TBC1D5: variants seen among roughly 807,000 people sequenced by gnomAD.
TBC1D5 encodes the protein TBC1 domain family, member 5.
A neutral mutation model predicts 100.3 loss-of-function variants in TBC1D5; 75 were observed. The ratio of observed to expected loss-of-function variants is 0.75; its 90% CI spans 0.62 to 0.91. The LOEUF (loss-of-function observed/expected upper bound fraction) is 0.91. Ranked by LOEUF, TBC1D5 falls within the 40% of genes least tolerant of loss-of-function variation. The pLI is 0.00. For missense variants in TBC1D5, 910 were observed against 942.4 expected (o/e 0.97, Z 0.45); for synonymous variants, 323 against 325.6 (o/e 0.99, Z 0.09).
intron 1 of TBC1D5, among the ~76,000 whole-genome samples, chr3:17,636,949 A>G (rs973273580): frequency 1.3e-5 from 2 of 152,140 alleles, no homozygotes; most frequent in Admixed American, 6.6e-5. Flanking sequence ...GGTTAACTAG[A>G]TCTCTCCTTA....
chr3:17,274,972 C>T (rs1027709677), intron 15 of TBC1D5, among the ~76,000 whole-genome samples: 1 of 152,042 alleles, frequency 6.6e-6, no homozygotes, highest in Non-Finnish European at 1.5e-5. Context: ...CTTGAAGGGG[C>T]TGTCAAAAAA....
intron 2 of TBC1D5, among the ~76,000 whole-genome samples, chr3:17,530,227 G>C (rs2096201547): frequency 7.2e-6 from 1 of 138,964 alleles, no homozygotes; most frequent in African/African-American, 2.8e-5. Context: ...CTGGGCGACA[G>C]AGCGAGACTT....
At chr3:17,728,936 A>G (rs1190731634) in intron 1 of TBC1D5, among the ~76,000 whole-genome samples, 2 of 151,160 alleles carry the variant, frequency 1.3e-5, no homozygotes, top group Admixed American at 6.6e-5. Flanking sequence ...TAGCAAATTT[A>G]AAAACAATGT....
At chr3:17,293,397 A>G (rs2081950281) in intron 14 of TBC1D5, among the ~76,000 whole-genome samples, 2 of 152,238 alleles carry the variant, frequency 1.3e-5, no homozygotes, top group South Asian at 4.1e-4. Flanking sequence ...CCAAGAAAGA[A>G]TTCTTATATA....
intron 2 of TBC1D5, among the ~76,000 whole-genome samples, chr3:17,566,374 C>T (rs564073805): frequency 6.6e-6 from 1 of 151,956 alleles, no homozygotes; most frequent in South Asian, 2.1e-4. Context: ...AGACAAAACA[C>T]AACTAACAAA....
At chr3:17,411,310 A>G (rs2093918436) in intron 4 of TBC1D5, among the ~76,000 whole-genome samples, 1 of 152,156 alleles carries the variant, frequency 6.6e-6, no homozygotes, top group South Asian at 2.1e-4. Flanking sequence ...CATAACTTTT[A>G]AATGTACTAG....
Position 17,586,446 on chromosome 3 carries a change from T to C in TBC1D5, c.-36+37403A>G, listed in dbSNP as rs185629955. 2.6e-5 allele frequency: 4 copies of C among 152,204 alleles called. No individual in the cohort carries two copies. The East Asian group carries it at 5.8e-4, about 22-fold the overall frequency. The allele number at this position is 152,204 out of a possible 1,614,324, so 9.4% of individuals were successfully genotyped here. ...CAAAAATGACTTAGGCTCAGTACAA[T>C]AGAGTTCTCCAAACACAAGTCTTGG... On this transcript the variant is annotated intron_variant, in intron 2 of 21. Coordinates refer to ENST00000253692, the Ensembl canonical transcript of TBC1D5.
chr3:17,389,117 T>C (rs1014329940), intron 8 of TBC1D5, among the ~76,000 whole-genome samples: 2 of 152,118 alleles, frequency 1.3e-5, no homozygotes, highest in African/African-American at 4.8e-5. Context: ...GTAATGTATT[T>C]GTTAAAGAAA....
At chr3:17,408,673 C>A (rs1444882432) in intron 4 of TBC1D5, among the ~76,000 whole-genome samples, 2 of 151,944 alleles carry the variant, frequency 1.3e-5, no homozygotes, top group Non-Finnish European at 2.9e-5. Flanking sequence ...TTTTAGTGTG[C>A]CTTATTGATT....
At chr3:17,304,352 A>G (rs914061240) in intron 14 of TBC1D5, among the ~76,000 whole-genome samples, 1 of 152,184 alleles carries the variant, frequency 6.6e-6, no homozygotes, top group Non-Finnish European at 1.5e-5. Flanking sequence ...GGGTGTGAAG[A>G]ACAGACAATA....
At chr3:17,581,073 T>C (rs952275399) in intron 2 of TBC1D5, among the ~76,000 whole-genome samples, 2 of 151,498 alleles carry the variant, frequency 1.3e-5, no homozygotes, top group South Asian at 2.1e-4. Context: ...TGGGGGAGGG[T>C]TTTCCCCATG....
At chr3:17,629,745 G>A (rs1218663069) in intron 1 of TBC1D5, among the ~76,000 whole-genome samples, 2 of 152,124 alleles carry the variant, frequency 1.3e-5, no homozygotes, top group South Asian at 2.1e-4. Flanking sequence ...GAGTTGACAG[G>A]CAACAAGAAA....
intron 4 of TBC1D5, among the ~76,000 whole-genome samples, chr3:17,426,631 G>A (rs781744870): frequency 2.8e-4 from 42 of 151,536 alleles, no homozygotes; most frequent in Non-Finnish European, 4.9e-4. Flanking sequence ...AGTTAACAAC[G>A]TAAGTATTTA....
At position 17,371,366 on chromosome 3, in the gene TBC1D5, A is replaced by G. The variant is rs555693262; in HGVS notation, c.995+709T>C. Among the ~76,000 whole-genome samples the G allele has an allele frequency of 9.2e-5, 14 of 152,316 alleles. No homozygotes were observed. The South Asian group carries it at 2.9e-3, about 32-fold the overall frequency. On this transcript the variant is annotated intron_variant, in intron 13 of 21. Transcript: ENST00000253692. ...ACTTCTTGGAATGCTTGGTTCAATG[A>G]TCTGCTGTTACCAGCTTGAAATTCT...
chr3:17,330,507 G>T (rs1247974451), intron 13 of TBC1D5, among the ~76,000 whole-genome samples: 1 of 151,796 alleles, frequency 6.6e-6, no homozygotes, highest in African/African-American at 2.4e-5. Context: ...CTCCCAACCT[G>T]CCATTTCCCA....
At chr3:17,353,900 G>A (rs2090918441) in intron 13 of TBC1D5, among the ~76,000 whole-genome samples, 1 of 152,086 alleles carries the variant, frequency 6.6e-6, no homozygotes, top group Non-Finnish European at 1.5e-5. Context: ...GTTTGTGACT[G>A]TTAACTTCAT....
intron 2 of TBC1D5, among the ~76,000 whole-genome samples, chr3:17,535,358 C>CTTT (rs2096271684): frequency 6.6e-6 from 1 of 152,160 alleles, no homozygotes; most frequent in Admixed American, 6.5e-5. Flanking sequence ...ACATAATGTG[C>CTTT]TTTTATGGCC....
chr3:17,589,972 T>C (rs1445414395), intron 2 of TBC1D5, among the ~76,000 whole-genome samples: 1 of 152,098 alleles, frequency 6.6e-6, no homozygotes, highest in Non-Finnish European at 1.5e-5. Context: ...CAGTTTGAAA[T>C]GGGATCTGAA....
At chr3:17,681,568 T>C (rs2069479800) in intron 1 of TBC1D5, among the ~76,000 whole-genome samples, 1 of 151,686 alleles carries the variant, frequency 6.6e-6, no homozygotes, top group African/African-American at 2.4e-5. Context: ...TTTTCGGAAA[T>C]GTTTTGGCAA....
Sources: gnomAD v4.1 joint callset for allele counts (sites outside exome capture counted in the v4.1 genomes callset) on GRCh38, gnomAD v4.1.1 for gene constraint, MANE v1.5 for transcripts, NCBI Gene and HGNC (gene_info 2026-07-23, HGNC 2026-07-21) for gene names.